Variants in DACH1 observed in about 807,000 individuals in gnomAD.
The protein encoded by DACH1 is dachshund homolog 1.
A neutral mutation model predicts 54.2 loss-of-function variants in DACH1; 12 were observed. The ratio of observed to expected loss-of-function variants is 0.22; its 90% confidence interval spans 0.14 to 0.36. The LOEUF (loss-of-function observed/expected upper bound fraction) is 0.36. Ranked by LOEUF, DACH1 falls within the 10% of genes least tolerant of loss-of-function variation. The probability of loss-of-function intolerance (pLI) is 1.00; values close to 1 mark genes in which losing one functional copy is unlikely to be tolerated. For synonymous variants in DACH1, 386 were observed against 366.2 expected (o/e 1.05, Z -0.62); for missense variants, 805 against 929.8 (o/e 0.87, Z 1.75).
chr13:71,793,668 C>G (rs1886923069), intron 1 of DACH1, among the ~76,000 whole-genome samples: 1 of 152,084 alleles, frequency 6.6e-6, no homozygotes, highest in Non-Finnish European at 1.5e-5. Context: ...GTAGCTGGGA[C>G]TACAGGCATG....
chr13:71,454,892 G>A (rs1197957044), intron 10 of DACH1, among the ~76,000 whole-genome samples: 1 of 152,216 alleles, frequency 6.6e-6, no homozygotes, highest in African/African-American at 2.4e-5. Flanking sequence ...GTAATTTGTT[G>A]TGACACTAAT....
chr13:71,680,606 A>C (rs982734190), intron 2 of DACH1, among the ~76,000 whole-genome samples: 1 of 152,194 alleles, frequency 6.6e-6, no homozygotes, highest in Non-Finnish European at 1.5e-5. Context: ...TCTTTGTCTT[A>C]AAAACAAAAA....
At chr13:71,651,017 A>G (rs1233676804) in intron 2 of DACH1, among the ~76,000 whole-genome samples, 2 of 152,178 alleles carry the variant, frequency 1.3e-5, no homozygotes, top group Non-Finnish European at 2.9e-5. Context: ...AAAATTTGCA[A>G]AGGTCATTTG....
intron 1 of DACH1, among the ~76,000 whole-genome samples, chr13:71,858,929 C>CTG (rs1874179701): frequency 6.6e-6 from 1 of 151,552 alleles, no homozygotes; most frequent in Admixed American, 6.6e-5. Context: ...ATCTCTCTCT[C>CTG]TGTGTGTCTC....
At chr13:71,669,646 C>T (rs550453402) in intron 2 of DACH1, among the ~76,000 whole-genome samples, 5 of 152,238 alleles carry the variant, frequency 3.3e-5, no homozygotes, top group African/African-American at 4.8e-5. Context: ...CTGCTGCATT[C>T]GCTTACTATG....
At chr13:71,848,606 T>C (rs1873449937) in intron 1 of DACH1, among the ~76,000 whole-genome samples, 1 of 152,024 alleles carries the variant, frequency 6.6e-6, no homozygotes, top group African/African-American at 2.4e-5. Flanking sequence ...GCAGTGGCAT[T>C]ATCACAGCTC....
intron 6 of DACH1, among the ~76,000 whole-genome samples, chr13:71,518,642 G>A (rs552521011): frequency 6.6e-6 from 1 of 151,974 alleles, no homozygotes; most frequent in South Asian, 2.1e-4. Context: ...CTTAGTCCAT[G>A]TGTGTTCAAG....
chr13:71,621,910 C>G (rs1346176843), intron 3 of DACH1, among the ~76,000 whole-genome samples: 1 of 151,968 alleles, frequency 6.6e-6, no homozygotes, highest in Non-Finnish European at 1.5e-5. Flanking sequence ...GTAATTCTCT[C>G]AGCACTGAAT....
intron 3 of DACH1, among the ~76,000 whole-genome samples, chr13:71,592,918 C>A (rs893611522): frequency 5.9e-5 from 9 of 152,196 alleles, no homozygotes; most frequent in African/African-American, 1.9e-4. Context: ...GGCAATAAAT[C>A]ATAATTAACA....
intron 6 of DACH1, among the ~76,000 whole-genome samples, chr13:71,518,274 G>A (rs547084017): frequency 1.3e-5 from 2 of 151,844 alleles, no homozygotes; most frequent in Admixed American, 6.6e-5. Context: ...GGAGGTACAT[G>A]CACAGAGGAA....
chr13:71,619,197 C>T (rs1876019374), intron 3 of DACH1, among the ~76,000 whole-genome samples: 1 of 151,350 alleles, frequency 6.6e-6, no homozygotes, highest in East Asian at 1.9e-4. Context: ...AAGTATGCTC[C>T]CTTACTCAAC....
intron 1 of DACH1, among the ~76,000 whole-genome samples, chr13:71,765,114 C>A (rs546178138): frequency 1.4e-4 from 21 of 152,254 alleles, no homozygotes; most frequent in African/African-American, 5.1e-4. Flanking sequence ...GGATACCAGC[C>A]CCTGATTATT....
At chr13:71,487,313 G>A (rs1447913902) in intron 7 of DACH1, among the ~76,000 whole-genome samples, 1 of 152,076 alleles carries the variant, frequency 6.6e-6, no homozygotes, top group Non-Finnish European at 1.5e-5. Flanking sequence ...TGGTAGGAAA[G>A]GAGAGTATAT....
intron 6 of DACH1, among the ~76,000 whole-genome samples, chr13:71,507,610 A>G (rs1285067471): frequency 6.6e-6 from 1 of 152,172 alleles, no homozygotes; most frequent in East Asian, 1.9e-4. Context: ...CTGTATAGAA[A>G]ATACTCTAAC....
chr13:71,864,949 AAGAG>A (rs1593665006), intron 1 of DACH1, among the ~76,000 whole-genome samples: 1 of 152,126 alleles, frequency 6.6e-6, no homozygotes, highest in Non-Finnish European at 1.5e-5. Context: ...AAGAAAAGAA[AAGAG>A]AGAGAAAGAC....
At chr13:71,722,302 A>G (rs1883266012) in intron 1 of DACH1, among the ~76,000 whole-genome samples, 1 of 152,222 alleles carries the variant, frequency 6.6e-6, no homozygotes, top group Non-Finnish European at 1.5e-5. Flanking sequence ...GAGAGAAAAT[A>G]TCAACTTGCT....
chr13:71,574,938 T>A (rs1460224682), intron 3 of DACH1, among the ~76,000 whole-genome samples: 2 of 152,042 alleles, frequency 1.3e-5, no homozygotes, highest in Non-Finnish European at 2.9e-5. Flanking sequence ...TTGACACTTA[T>A]CCCTAGGTAC....
chr13:71,822,194 T>G (rs763782714), intron 1 of DACH1, among the ~76,000 whole-genome samples: 1 of 152,238 alleles, frequency 6.6e-6, no homozygotes, highest in African/African-American at 2.4e-5. Context: ...TAGTGTCATG[T>G]ATTAAACTAT....
chr13:71,555,112 T>A (rs1480223465), intron 6 of DACH1, among the ~76,000 whole-genome samples: 1 of 152,178 alleles, frequency 6.6e-6, no homozygotes, highest in African/African-American at 2.4e-5. Flanking sequence ...TTGTATAACA[T>A]AAATTAACTT....
Sources: allele counts gnomAD v4.1 joint callset (sites outside exome capture counted in the v4.1 genomes callset), GRCh38; gene constraint gnomAD v4.1.1; transcripts MANE v1.5; gene names NCBI Gene and HGNC (gene_info 2026-07-23, HGNC 2026-07-21).